The following PIWIL1 variants were observed in gnomAD, a reference collection of about 807,000 sequenced individuals.
PIWIL1 encodes the protein piwi-like protein 1.
In PIWIL1, 73 loss-of-function variants were observed where a neutral mutation model predicts 114.4. The observed-to-expected ratio is 0.64, with a 90% CI of 0.53 to 0.78. The LOEUF is 0.78. PIWIL1 is among the 30% of genes least tolerant of loss of function. The pLI, the probability that PIWIL1 is intolerant of heterozygous loss-of-function variation, is 0.00. For missense variants in PIWIL1, 723 were observed against 1,063.1 expected, an observed-to-expected ratio of 0.68 and a Z score of 4.45; for synonymous variants, 375 against 369.0, an observed-to-expected ratio of 1.02 and a Z score of -0.19.
At chr12:130,346,197 C>T (rs2073063663) in intron 4 of PIWIL1, among the ~76,000 whole-genome samples, 173 bp from the exon 5 acceptor site, 1 of 152,182 alleles carries the variant, frequency 6.6e-6, no homozygotes, top group African/African-American at 2.4e-5. Flanking sequence ...TTTAGAAATT[C>T]ACCTAAAGAG....
the PIWIL1 span, chr12:130,414,226 G>T: frequency 6.2e-7 from 1 of 1,614,124 alleles, no homozygotes; most frequent in South Asian, 1.1e-5. Flanking sequence ...ACAAAGATCC[G>T]GGCCGGGAGC....
the PIWIL1 span, among the ~76,000 whole-genome samples, chr12:130,410,135 G>A: frequency 6.6e-6 from 1 of 152,210 alleles, no homozygotes; most frequent in Non-Finnish European, 1.5e-5. Context: ...GTGTTTCACT[G>A]ATGATGTTAA....
chr12:130,347,163 T>G, intron 6 of PIWIL1, 101 bp downstream of exon 6: 1 of 852,406 alleles, frequency 1.2e-6, no homozygotes, highest in Non-Finnish European at 1.9e-6. Flanking sequence ...CAGCATTGGT[T>G]GGGATTATTG....
At chr12:130,345,077 G>A (rs2073036564) in intron 3 of PIWIL1, among the ~76,000 whole-genome samples, 1 of 152,164 alleles carries the variant, frequency 6.6e-6, no homozygotes, top group Non-Finnish European at 1.5e-5. Flanking sequence ...TTGTTGATCT[G>A]AGATAATTGT....
At chr12:130,370,931 A>T (rs1041239947) in intron 19 of PIWIL1, among the ~76,000 whole-genome samples, 15 of 152,220 alleles carry the variant, frequency 9.9e-5, no homozygotes, top group Admixed American at 5.9e-4. Flanking sequence ...GCTGGGAGGC[A>T]TCATGACAGA....
chr12:130,347,181 CTG>C, intron 6 of PIWIL1, 119 bp downstream of exon 6: 2 of 750,650 alleles, frequency 2.7e-6, no homozygotes, highest in Non-Finnish European at 4.4e-6. Flanking sequence ...TTGAGTTTCT[CTG>C]TATTGCAGTA....
the PIWIL1 span, among the ~76,000 whole-genome samples, chr12:130,418,011 C>T: frequency 6.6e-6 from 1 of 152,104 alleles, no homozygotes; most frequent in Non-Finnish European, 1.5e-5. Flanking sequence ...GCTTCTGTCC[C>T]AGCACGAGGA....
At chr12:130,384,869 T>C in the PIWIL1 span, among the ~76,000 whole-genome samples, 1 of 152,342 alleles carries the variant, frequency 6.6e-6, no homozygotes, top group Non-Finnish European at 1.5e-5. Flanking sequence ...ATAAAAAATC[T>C]AACAGTTGCT....
chr12:130,344,497 T>C (rs968776418), intron 3 of PIWIL1, among the ~76,000 whole-genome samples: 1 of 136,666 alleles, frequency 7.3e-6, no homozygotes, highest in Non-Finnish European at 1.6e-5. Context: ...TCTCAATTTT[T>C]CAGGTGAAGG....
chr12:130,381,456 A>G, the PIWIL1 span, among the ~76,000 whole-genome samples: 1 of 152,156 alleles, frequency 6.6e-6, no homozygotes, highest in African/African-American at 2.4e-5. Flanking sequence ...TCTCTCTCTC[A>G]GTAATATGCA....
chr12:130,377,200 G>C (rs1437091702), downstream of PIWIL1, among the ~76,000 whole-genome samples: 5 of 152,174 alleles, frequency 3.3e-5, no homozygotes, highest in Non-Finnish European at 7.3e-5. Flanking sequence ...GTTCACTTTT[G>C]TCTTCCCAGT....
At chr12:130,374,643 G>A (rs77256168), downstream of PIWIL1, among the ~76,000 whole-genome samples, 6 of 152,182 alleles carry the variant, frequency 3.9e-5, no homozygotes, top group East Asian at 9.7e-4. Flanking sequence ...TCTGCACTGC[G>A]GAGTCCAGCG....
chr12:130,352,447 G>A, intron 9 of PIWIL1, among the ~76,000 whole-genome samples: 1 of 152,340 alleles, frequency 6.6e-6, no homozygotes, highest in East Asian at 1.9e-4. Context: ...GGGAGGCCGA[G>A]GTGGGTGGAT....
chr12:130,358,921 TAGGCGTGGTC>T (rs1230021830), intron 14 of PIWIL1, among the ~76,000 whole-genome samples: 2 of 152,176 alleles, frequency 1.3e-5, no homozygotes, highest in African/African-American at 2.4e-5. Context: ...TGGTGTGCTT[TAGGCGTGGTC>T]AGGCTGCCAT....
At chr12:130,357,249 T>A in intron 13 of PIWIL1, 144 bp downstream of exon 13, 1 of 744,626 alleles carries the variant, frequency 1.3e-6, no homozygotes, top group Non-Finnish European at 2.1e-6. Context: ...AAACATATTT[T>A]AATAACTAAG....
At chr12:130,346,712 T>C (rs2073078723) in intron 5 of PIWIL1, 128 bp downstream of exon 5, 5 of 865,102 alleles carry the variant, frequency 5.8e-6, no homozygotes, top group Admixed American at 2.7e-5. Flanking sequence ...AATAAACACA[T>C]AGGGTACTTT....
At chr12:130,363,236 A>G in intron 18 of PIWIL1, 92 bp downstream of exon 18, 13 of 1,303,314 alleles carry the variant, frequency 1.0e-5, no homozygotes, top group Non-Finnish European at 1.3e-5. Flanking sequence ...GATGAGGGAG[A>G]ACCTAACTTG....
the PIWIL1 span, among the ~76,000 whole-genome samples, chr12:130,381,420 C>T: frequency 6.6e-6 from 1 of 152,136 alleles, no homozygotes; most frequent in Admixed American, 6.5e-5. Context: ...CTGAATCACA[C>T]GGTATGTAAC....
the PIWIL1 span, among the ~76,000 whole-genome samples, chr12:130,420,142 T>C: frequency 6.6e-6 from 1 of 152,224 alleles, no homozygotes; most frequent in African/African-American, 2.4e-5. This position sits in a 1 kb window ranked among gnomAD's most constrained non-coding sequence, Gnocchi z 4.3. Context: ...TGTTCAGCTG[T>C]CACTGATGTT....
Sources: allele counts gnomAD v4.1 joint callset (sites outside exome capture counted in the v4.1 genomes callset), GRCh38; gene constraint gnomAD v4.1.1; non-coding constraint Gnocchi (gnomAD v3.1); transcripts MANE v1.5; gene names NCBI Gene and HGNC (gene_info 2026-07-23, HGNC 2026-07-21).